The following MGAM variants were observed in gnomAD, a reference collection of about 807,000 sequenced individuals.
MGAM encodes maltase-glucoamylase.
A neutral mutation model predicts 358.8 loss-of-function variants in MGAM; 253 were observed. The observed-to-expected ratio is 0.71, with a 90% CI of 0.64 to 0.78. The LOEUF is 0.78. Ranked by LOEUF, MGAM falls within the 30% of genes least tolerant of loss-of-function variation. The pLI is 0.00. For synonymous variants in MGAM, 1,105 were observed against 1,227.1 expected (o/e 0.90, Z 2.08); for missense variants, 3,080 against 3,432.6 (o/e 0.90, Z 2.57).
intron 65 of MGAM, 144 bp from the exon 66 acceptor site, chr7:142,097,449 G>A (rs1344890147): frequency 6.8e-6 from 5 of 737,578 alleles, no homozygotes; most frequent in Non-Finnish European, 1.2e-5. Flanking sequence ...AGGGATGGAA[G>A]GTTTCCTCAA....
At chr7:142,037,014 A>G (rs2129008545) in intron 18 of MGAM, 37 bp downstream of exon 18, 1 of 1,584,520 alleles carries the variant, frequency 6.3e-7, no homozygotes, top group Admixed American at 1.7e-5. Context: ...TTATTAATGC[A>G]TCTGGAATGA....
At chr7:142,105,239 G>T (rs1054460333) in intron 70 of MGAM, among the ~76,000 whole-genome samples, 1 of 152,098 alleles carries the variant, frequency 6.6e-6, no homozygotes, top group East Asian at 1.9e-4. Flanking sequence ...ATGGAAAAGA[G>T]GGCATTCTCT....
At chr7:142,055,067 T>C (rs1263364541) in intron 27 of MGAM, among the ~76,000 whole-genome samples, 159 bp downstream of exon 27, 5 of 152,210 alleles carry the variant, frequency 3.3e-5, no homozygotes, top group Non-Finnish European at 7.3e-5. Context: ...AGGAAATCTT[T>C]AGCATTCTGG....
chr7:142,084,851 T>C (rs1488427003), intron 54 of MGAM, among the ~76,000 whole-genome samples: 1 of 146,704 alleles, frequency 6.8e-6, no homozygotes, highest in East Asian at 2.0e-4. Flanking sequence ...CTTACTGTGA[T>C]TTCCCAGAGG....
chr7:142,099,554 A>G (rs555766441), intron 66 of MGAM, 59 bp from the exon 67 acceptor site: 3 of 1,612,296 alleles, frequency 1.9e-6, no homozygotes, highest in Non-Finnish European at 2.5e-6. Flanking sequence ...GGCAGGATGC[A>G]TTGTTCAGGG....
At chr7:142,094,892 T>G in intron 63 of MGAM, 29 bp downstream of exon 63, 1 of 1,604,896 alleles carries the variant, frequency 6.2e-7, no homozygotes, top group Non-Finnish European at 8.5e-7. Context: ...CCTCCAGTGT[T>G]TCACTTGAAA....
chr7:141,995,643 A>G (rs1253968324), upstream of MGAM, among the ~76,000 whole-genome samples: 1 of 152,132 alleles, frequency 6.6e-6, no homozygotes, highest in Non-Finnish European at 1.5e-5. Context: ...CACCGATTAA[A>G]CATTCAGTGC....
intron 21 of MGAM, among the ~76,000 whole-genome samples, chr7:142,046,008 A>T (rs890327336): frequency 7.5e-6 from 1 of 132,884 alleles, no homozygotes; most frequent in African/African-American, 2.9e-5. Context: ...TGTAATATAT[A>T]TTATGTATAC....
intron 66 of MGAM, among the ~76,000 whole-genome samples, chr7:142,099,291 C>G (rs112261033): frequency 0.25 from 37,801 of 152,176 alleles, 5,667 homozygotes; most frequent in Non-Finnish European, 0.33. Flanking sequence ...AAGCCCTGCT[C>G]TAGTTGAGAA....
At chr7:142,000,765 A>T (rs1324038231) in intron 1 of MGAM, among the ~76,000 whole-genome samples, 1 of 152,120 alleles carries the variant, frequency 6.6e-6, no homozygotes, top group African/African-American at 2.4e-5. Context: ...TAAGGGATGA[A>T]TTTCTATAAA....
At position 142,088,776 on chromosome 7, in the gene MGAM, TCTA is replaced by T. The variant is rs1563214186; in HGVS notation, c.6810+2060_6810+2062del. Among the ~76,000 whole-genome samples the T allele has an allele frequency of 5.9e-4, 79 of 134,392 alleles. 8 individuals carry two copies. The East Asian group carries it at 0.014, about 23-fold the overall frequency. 88.2% of individuals were successfully genotyped at this position (134,392 alleles called of 152,430 possible). Reference sequence around the variant, plus strand: ...ATCTATCTATCTATCTATCTATCTATCTATCTATCTATCTATCTATCTATCATT... The same window carrying T: ...ATCTATCTATCTATCTATCTATCTATTCTATCTATCTATCTATCTATCATT... On this transcript the variant is annotated intron_variant, in intron 57 of 70. Coordinates refer to ENST00000475668, the MANE Select transcript of MGAM (RefSeq NM_001365693.1).
chr7:142,011,995 T>C lies in MGAM; in HGVS notation c.327+3290T>C, dbSNP rs1805636543. On this transcript the variant is annotated intron_variant, in intron 3 of 70. Coordinates refer to ENST00000475668, the MANE Select transcript of MGAM (RefSeq NM_001365693.1). Reference sequence around the variant, plus strand: ...TTTCACAGAGTCGAGACTAATTTTATTCATTCGTTAGTTCAAACTTGCTGC... The same window carrying C: ...TTTCACAGAGTCGAGACTAATTTTACTCATTCGTTAGTTCAAACTTGCTGC... Among the ~76,000 whole-genome samples the C allele has an allele frequency of 2.6e-5, 4 of 152,214 alleles. No homozygotes were observed. In the South Asian group the frequency reaches 8.3e-4, roughly 32 times the overall value.
At chr7:141,991,409 G>GGGT (rs1383689324), upstream of MGAM, among the ~76,000 whole-genome samples, 1 of 151,924 alleles carries the variant, frequency 6.6e-6, no homozygotes, top group Non-Finnish European at 1.5e-5. Flanking sequence ...GTTAGGGTAA[G>GGGT]GGTGGTGGCT....
rs1227697596 is a variant in MGAM, at chr7:142,088,652, GTCTGTCTA to G, written c.6810+1939_6810+1946del. 2.4e-4 allele frequency among the ~76,000 whole-genome samples: 27 copies of G among 114,866 alleles called. 1 individual carries two copies. The highest frequency in any genetic ancestry group is 8.2e-4 in the East Asian group (3 of 3,660). 75.4% of individuals were successfully genotyped at this position (114,866 alleles called of 152,430 possible). On this transcript the variant is annotated intron_variant, in intron 57 of 70. Coordinates refer to ENST00000475668, the MANE Select transcript of MGAM (RefSeq NM_001365693.1). ...TCAGGTTATATCTATCTTTCTATCT[GTCTGTCTA>G]TCTATCTATCTATCTATCTATCTAT...
Position 142,058,284 on chromosome 7 carries a change from A to C in MGAM, c.3775A>C (p.Ile1259Leu). 1 of 1,613,926 alleles carries C rather than the reference A, an allele frequency of 6.2e-7. No individual in the cohort carries two copies. Among genetic ancestry groups the C allele is most frequent in the Non-Finnish European group, 8.5e-7 (1 of 1,179,842 alleles). ...CRYGYQNDSEIASLYDEMVAA... is the reference protein window; with the variant it reads ...CRYGYQNDSELASLYDEMVAA... ...CTATGGCTACCAGAATGACTCTGAG[A>C]TCGCCAGCTTGTATGATGAGATGGT... Residue 1259 changes from isoleucine (I) to leucine (L), a missense_variant, in exon 31 of 71, where the codon ATC becomes CTC. By Grantham distance (5) the Ile-to-Leu change is conservative. This residue lies in a region of MGAM where 1,816 missense variants were observed against 1,840.5 expected (regional missense o/e 0.99). Transcript: ENST00000475668.
At chr7:142,037,802 A>G (rs374767179) in intron 18 of MGAM, among the ~76,000 whole-genome samples, 1 of 152,188 alleles carries the variant, frequency 6.6e-6, no homozygotes, top group Non-Finnish European at 1.5e-5. Context: ...TTTATGGGGT[A>G]TATGAGATGT....
At chr7:142,067,222 G>A (rs2129045039) in intron 41 of MGAM, 119 bp from the exon 42 acceptor site, 1 of 977,248 alleles carries the variant, frequency 1.0e-6, no homozygotes, top group East Asian at 2.6e-5. Flanking sequence ...TAGGAACAAA[G>A]CAAGGATGGC....
rs1814404309 is a variant in MGAM at position 142,082,539 on chromosome 7, A to G, written c.6236A>G (p.His2079Arg). Residue 2079 changes from histidine to arginine, a missense_variant, in exon 52 of 71, where the codon CAT becomes CGT. Around this residue, in one of 5 missense-constraint regions of MGAM, gnomAD observed 932 missense variants for 1,198.2 expected, o/e 0.78. Coordinates refer to ENST00000475668, the MANE Select transcript of MGAM (RefSeq NM_001365693.1). ...GGGCTAGAGGAGGATGGCAGTGCCC[A>G]TGGAGTGCTCCTGCTGAACAGCAAT... ...YMGLEEDGSA[H>R]GVLLLNSNAM... 4 of 1,530,100 alleles carry G rather than the reference A, an allele frequency of 2.6e-6. No individual in the cohort carries two copies. Among genetic ancestry groups the G allele is most frequent in the South Asian group, 1.2e-5 (1 of 85,564 alleles). 94.8% of individuals were successfully genotyped at this position (1,530,100 alleles called of 1,614,324 possible).
intron 68 of MGAM, 74 bp downstream of exon 68, chr7:142,100,964 C>T (rs1294235748): frequency 7.7e-7 from 1 of 1,304,478 alleles, no homozygotes; most frequent in Non-Finnish European, 1.1e-6. Flanking sequence ...GGCCTGCTTT[C>T]ACCTTTTCCC....
Sources: allele counts gnomAD v4.1 joint callset (sites outside exome capture counted in the v4.1 genomes callset), GRCh38; gene constraint gnomAD v4.1.1; regional missense constraint gnomAD v4.1.1; transcripts MANE v1.5; gene names NCBI Gene and HGNC (gene_info 2026-07-23, HGNC 2026-07-21).